The following PSG8 variants were observed in gnomAD, a reference collection of about 807,000 sequenced individuals.
PSG8 encodes the protein pregnancy-specific beta-1-glycoprotein 8.
PSG8 carries 57 observed loss-of-function variants against 42.5 expected under a neutral mutation model. The observed-to-expected ratio is 1.34, with a 90% CI of 1.08 to 1.67. The LOEUF (loss-of-function observed/expected upper bound fraction) is 1.67. Ranked by LOEUF, PSG8 falls within the 40% of genes most tolerant of loss-of-function variation. The pLI, the probability that PSG8 is intolerant of heterozygous loss-of-function variation, is 0.00. For synonymous variants in PSG8, 280 were observed against 196.8 expected, an observed-to-expected ratio of 1.42 and a Z score of -3.54; for missense variants, 783 against 518.6, an observed-to-expected ratio of 1.51 and a Z score of -4.95.
At chr19:42,761,821 T>A (rs1970082030) in intron 2 of PSG8, among the ~76,000 whole-genome samples, 1 of 29,202 alleles carries the variant, frequency 3.4e-5, no homozygotes, top group South Asian at 1.5e-3. Context: ...ATTTCAATAA[T>A]TTTTTTTTTT....
intron 3 of PSG8, chr19:42,756,045 T>A (rs946916614): frequency 6.6e-6 from 1 of 152,396 alleles, no homozygotes; most frequent in Non-Finnish European, 1.5e-5. Flanking sequence ...GTGAGGACCA[T>A]GTGGATCTTT....
At chr19:42,759,296 T>C (rs1280989868) in intron 2 of PSG8, among the ~76,000 whole-genome samples, 2 of 151,956 alleles carry the variant, frequency 1.3e-5, no homozygotes, top group Non-Finnish European at 2.9e-5. Flanking sequence ...AATCAGAGAG[T>C]AGAATAGGAG....
At chr19:42,765,409 C>A in intron 1 of PSG8, 109 bp downstream of exon 1, 1 of 1,529,128 alleles carries the variant, frequency 6.5e-7, no homozygotes, top group South Asian at 1.1e-5. Context: ...GCCTCAGCCT[C>A]CCAAAGTGCT....
At position 42,762,377 on chromosome 19, in the gene PSG8, A is replaced by G. The variant is rs559054367; in HGVS notation, c.430+1539T>C. 1.1e-4 allele frequency among the ~76,000 whole-genome samples: 16 copies of G among 152,184 alleles called. No homozygotes were observed. The East Asian group carries it at 2.7e-3, about 26-fold the overall frequency. On this transcript the variant is annotated intron_variant, in intron 2 of 4. Transcript: ENST00000306511. ...CCAGTGGCCAAAGAGCTTCAGAATTACATGAGCTGGGGTGGCTTTAGGGGC... is the reference window on the plus strand; with the variant it reads ...CCAGTGGCCAAAGAGCTTCAGAATTGCATGAGCTGGGGTGGCTTTAGGGGC...
intron 4 of PSG8, 146 bp from the exon 5 acceptor site, chr19:42,754,733 C>T (rs1442000054): frequency 7.6e-7 from 1 of 1,312,166 alleles, no homozygotes; most frequent in Non-Finnish European, 1.0e-6. Context: ...GAGCCGAATC[C>T]TCAGGTATTC....
chr19:42,755,108 T>A lies in PSG8; in HGVS notation c.868A>T (p.Ile290Phe). 5 of 1,612,020 alleles carry A rather than the reference T, an allele frequency of 3.1e-6. No homozygotes were observed. Among genetic ancestry groups the A allele is most frequent in the Non-Finnish European group, 3.4e-6 (4 of 1,179,798 alleles). The change falls in exon 4 of 5, where the codon ATT becomes TTT. Residue 290 changes from isoleucine to phenylalanine, a missense_variant. Coordinates refer to ENST00000306511, the MANE Select transcript of PSG8 (RefSeq NM_182707.3). The part of the protein sequence containing the change: ...LPVSPRVKRP[I>F]ENRILILPSV... ...GGTAGAATGAGGATCCTGTTTTCAATGGGTCGCTTTACCCTGGGACTGACC... is the reference window on the plus strand; with the variant it reads ...GGTAGAATGAGGATCCTGTTTTCAAAGGGTCGCTTTACCCTGGGACTGACC...
chr19:42,754,957 C>T, intron 4 of PSG8, 31 bp downstream of exon 4: 1 of 1,578,970 alleles, frequency 6.3e-7, no homozygotes, highest in African/African-American at 1.4e-5. Flanking sequence ...AAGCTGGTGT[C>T]CTGGCCCACA....
At position 42,755,034 on chromosome 19, in the gene PSG8, G is replaced by C; in HGVS notation, c.942C>G (p.Asp314Glu). Residue 314 changes from aspartate (D) to glutamate (E), a missense_variant, in exon 4 of 5, where the codon GAC (aspartate) becomes GAG (glutamate). Physicochemically the swap from Asp to Glu is conservative, Grantham distance 45. Transcript: ENST00000306511. Reference protein sequence around the residue: ...ETGPYQCEIRDQYGGIRSYPV... With the variant: ...ETGPYQCEIREQYGGIRSYPV... Reference sequence around the variant, plus strand: ...GGTAACTGCGGATGCCACCATATTGGTCCCTTATTTCACATTGATAGGGTC... The same window carrying C: ...GGTAACTGCGGATGCCACCATATTGCTCCCTTATTTCACATTGATAGGGTC... 1 of 1,613,118 alleles carries C rather than the reference G, an allele frequency of 6.2e-7. No individual in the cohort carries two copies. The highest frequency in any genetic ancestry group is 8.5e-7 in the Non-Finnish European group (1 of 1,179,740).
chr19:42,759,404 C>T (rs1044279995), intron 2 of PSG8, among the ~76,000 whole-genome samples: 7 of 152,108 alleles, frequency 4.6e-5, no homozygotes, highest in East Asian at 1.9e-4. Flanking sequence ...CCTGTACAGC[C>T]TCATGTCTAT....
chr19:42,762,301 A>C (rs961537470), intron 2 of PSG8, among the ~76,000 whole-genome samples: 6 of 151,926 alleles, frequency 3.9e-5, no homozygotes, highest in African/African-American at 1.5e-4. Flanking sequence ...AACCCCAGGG[A>C]CCAGGTGCCC....
Position 42,760,310 on chromosome 19 carries a change from C to T in PSG8, c.431-2030G>A, listed in dbSNP as rs138758355. On this transcript the variant is annotated intron_variant, in intron 2 of 4. Transcript: ENST00000306511. ...CATCAGATAGCACCCACCTGGCCAC[C>T]TCCAACTGGTCCCCAAAACCACCAG... Among the ~76,000 whole-genome samples, 267 of 152,252 alleles carry T rather than the reference C, an allele frequency of 1.8e-3. 1 individual carries two copies. The highest frequency in any genetic ancestry group is 6.2e-3 in the African/African-American group (258 of 41,550).
intron 3 of PSG8, among the ~76,000 whole-genome samples, chr19:42,757,552 G>T (rs571505593): frequency 1.3e-5 from 2 of 152,090 alleles, no homozygotes; most frequent in South Asian, 4.2e-4. Flanking sequence ...TCCCCTGTAT[G>T]GTAATAGGTG....
At chr19:42,760,462 CT>C (rs983581856) in intron 2 of PSG8, among the ~76,000 whole-genome samples, 6 of 152,164 alleles carry the variant, frequency 3.9e-5, no homozygotes, top group African/African-American at 1.4e-4. Context: ...TTACCCCACT[CT>C]TTTTGAACTT....
rs746240084 is a variant in PSG8, at chr19:42,764,941, AT to A, written c.64+576del. Among the ~76,000 whole-genome samples the A allele has an allele frequency of 7.9e-5, 12 of 151,874 alleles. No individual in the cohort carries two copies. The South Asian group carries it at 2.5e-3, about 32-fold the overall frequency. On this transcript the variant is annotated intron_variant, in intron 1 of 4. Transcript: ENST00000306511. ...GGACAGTGTTTCATGCCCTGTGTAT[AT>A]TTTTATGTGAAGTGTCATCTGATAC... is the stretch of plus-strand genomic sequence containing the variant.
intron 3 of PSG8, among the ~76,000 whole-genome samples, chr19:42,757,192 C>G (rs1468317325): frequency 6.6e-6 from 1 of 151,884 alleles, no homozygotes; most frequent in East Asian, 1.9e-4. Flanking sequence ...AGGGGACAGG[C>G]AAAAGCTGGT....
chr19:42,754,161 T>G (rs981994570), downstream of PSG8: 4 of 1,482,668 alleles, frequency 2.7e-6, no homozygotes, highest in African/African-American at 5.7e-5. Flanking sequence ...AGCCTGTTTG[T>G]TAAAGTTTTC....
intron 1 of PSG8, 68 bp downstream of exon 1, chr19:42,765,450 C>A: frequency 6.3e-7 from 1 of 1,597,100 alleles, no homozygotes. Context: ...ACCCCATACT[C>A]TCAAGGAGAC....
Position 42,762,488 on chromosome 19 carries a change from G to C in PSG8, c.430+1428C>G, listed in dbSNP as rs555638049. 7.2e-5 allele frequency among the ~76,000 whole-genome samples: 11 copies of C among 152,198 alleles called. No homozygotes were observed. The East Asian group carries it at 1.2e-3, about 16-fold the overall frequency. ...GCTAGAAACTCCTAGGATTCTGCAT[G>C]CAAATTCAGTCTCTAAAGAGGTTTT... On this transcript the variant is annotated intron_variant, in intron 2 of 4. Coordinates refer to ENST00000306511, the MANE Select transcript of PSG8 (RefSeq NM_182707.3).
Position 42,755,362 on chromosome 19 carries a change from C to T in PSG8, c.710-96G>A, listed in dbSNP as rs1969897807. ...GAGTTGGCATCTCCCACTTCTCAGC[C>T]CACCCGAGTCCTTGAAAGCCAATAG... On this transcript the variant is annotated intron_variant, in intron 3 of 4. Coordinates refer to ENST00000306511, the MANE Select transcript of PSG8 (RefSeq NM_182707.3). 15 of 1,556,636 alleles carry T rather than the reference C, an allele frequency of 9.6e-6. No homozygotes were observed. In the South Asian group the frequency reaches 1.9e-4, roughly 19 times the overall value.
Sources: gnomAD v4.1 joint callset for allele counts (sites outside exome capture counted in the v4.1 genomes callset) on GRCh38, gnomAD v4.1.1 for gene constraint, MANE v1.5 for transcripts, NCBI Gene and HGNC (gene_info 2026-07-23, HGNC 2026-07-21) for gene names.